The following FMN2 variants were observed in gnomAD, a reference collection of about 807,000 sequenced individuals.
The protein encoded by FMN2 is formin-2.
A neutral mutation model predicts 142.3 loss-of-function variants in FMN2; 51 were observed. That is an observed-to-expected ratio of 0.36 (90% confidence interval 0.29 to 0.45). The LOEUF is 0.45. Among genes scored for constraint, FMN2 ranks in the 20% least tolerant of loss-of-function variants. The probability of loss-of-function intolerance (pLI) is 1.00; values close to 1 mark genes in which losing one functional copy is unlikely to be tolerated. For missense variants in FMN2, 1,936 were observed against 2,122.8 expected, an observed-to-expected ratio of 0.91 and a Z score of 1.73; for synonymous variants, 882 against 869.8, an observed-to-expected ratio of 1.01 and a Z score of -0.25.
At chr1:240,253,946 G>A (rs541718363) in intron 6 of FMN2, among the ~76,000 whole-genome samples, 1 of 152,274 alleles carries the variant, frequency 6.6e-6, no homozygotes, top group East Asian at 1.9e-4. Flanking sequence ...CTGGTGATGA[G>A]GATGCTAGGT....
intron 4 of FMN2, among the ~76,000 whole-genome samples, chr1:240,204,829 G>T (rs1158483044): frequency 6.6e-6 from 1 of 152,132 alleles, no homozygotes; most frequent in East Asian, 1.9e-4. Context: ...ATCTATCATA[G>T]CACCCAAAAA....
intron 16 of FMN2, among the ~76,000 whole-genome samples, chr1:240,454,967 A>G (rs1676190377): frequency 6.6e-6 from 1 of 152,220 alleles, no homozygotes; most frequent in African/African-American, 2.4e-5. Flanking sequence ...TACAAACCCA[A>G]GTTAGCAAAG....
At chr1:240,464,215 C>T (rs1676539627) in intron 16 of FMN2, among the ~76,000 whole-genome samples, 1 of 152,098 alleles carries the variant, frequency 6.6e-6, no homozygotes, top group African/African-American at 2.4e-5. Context: ...AATGAGTGCA[C>T]AGCAGCGTTC....
At chr1:240,216,839 C>T (rs1666917891) in intron 6 of FMN2, among the ~76,000 whole-genome samples, 1 of 152,030 alleles carries the variant, frequency 6.6e-6, no homozygotes, top group African/African-American at 2.4e-5. Context: ...ATCCCAGCTA[C>T]TCAGGAGGCT....
intron 14 of FMN2, among the ~76,000 whole-genome samples, chr1:240,358,094 A>G (rs1325860954): frequency 6.6e-6 from 1 of 152,070 alleles, no homozygotes; most frequent in East Asian, 1.9e-4. Context: ...CTCTTCCACT[A>G]CTTTCAGTTG....
At chr1:240,106,974 A>G (rs918812881) in intron 1 of FMN2, among the ~76,000 whole-genome samples, 2 of 151,244 alleles carry the variant, frequency 1.3e-5, no homozygotes, top group African/African-American at 4.9e-5. Flanking sequence ...ATGAGCCACC[A>G]TGCCCGGCCT....
chr1:240,427,171 T>TTTTTTATATATATATATATA (rs1222415126), intron 15 of FMN2, among the ~76,000 whole-genome samples: 2 of 136,892 alleles, frequency 1.5e-5, no homozygotes, highest in African/African-American at 6.4e-5. Flanking sequence ...ACAACTGATT[T>TTTTTTATATATATATATATA]TATATATATA....
At chr1:240,362,820 A>C (rs1450540455) in intron 14 of FMN2, among the ~76,000 whole-genome samples, 1 of 152,228 alleles carries the variant, frequency 6.6e-6, no homozygotes, top group Admixed American at 6.5e-5. Context: ...ATGCTTTTAC[A>C]TAAAGTCCCT....
intron 15 of FMN2, among the ~76,000 whole-genome samples, chr1:240,393,739 A>C (rs572875490): frequency 6.6e-6 from 1 of 152,232 alleles, no homozygotes; most frequent in South Asian, 2.1e-4. Flanking sequence ...TTAAAAGTCT[A>C]TTTCAATGAA....
intron 2 of FMN2, among the ~76,000 whole-genome samples, chr1:240,139,483 G>C (rs559806690): frequency 6.6e-6 from 1 of 152,140 alleles, no homozygotes; most frequent in African/African-American, 2.4e-5. Flanking sequence ...GAAAGTGCCA[G>C]TAGAATGGGA....
chr1:240,338,684 T>C (rs1005397516), intron 13 of FMN2, among the ~76,000 whole-genome samples: 2 of 152,118 alleles, frequency 1.3e-5, no homozygotes, highest in African/African-American at 4.8e-5. Flanking sequence ...AGGACAGTGG[T>C]CCCCAGCTTT....
intron 8 of FMN2, among the ~76,000 whole-genome samples, chr1:240,311,045 C>A (rs969614337): frequency 2.6e-5 from 4 of 152,088 alleles, no homozygotes; most frequent in East Asian, 1.9e-4. Flanking sequence ...AAATTCAACA[C>A]CCCCTTTGTC....
intron 15 of FMN2, among the ~76,000 whole-genome samples, chr1:240,421,582 C>G (rs968633195): frequency 1.3e-5 from 2 of 151,974 alleles, no homozygotes; most frequent in Admixed American, 6.6e-5. Context: ...TGCCTTTGTT[C>G]CTTTGTCAAA....
At chr1:240,110,045 A>G (rs1342785011) in intron 1 of FMN2, among the ~76,000 whole-genome samples, 1 of 151,442 alleles carries the variant, frequency 6.6e-6, no homozygotes, top group Non-Finnish European at 1.5e-5. Context: ...TGTTCTACAC[A>G]GACTGCTTTT....
chr1:240,332,763 T>C (rs1671422934), intron 11 of FMN2, among the ~76,000 whole-genome samples: 1 of 152,208 alleles, frequency 6.6e-6, no homozygotes, highest in South Asian at 2.1e-4. Flanking sequence ...AATGTAACTA[T>C]ATTTATTCCT....
chr1:240,472,274 C>G, intron 16 of FMN2, 98 bp from the exon 17 acceptor site: 1 of 827,764 alleles, frequency 1.2e-6, no homozygotes. Flanking sequence ...TGCAGTAATT[C>G]AAATCTTTAT....
At chr1:240,143,307 T>A in intron 2 of FMN2, 1 of 1,518,636 alleles carries the variant, frequency 6.6e-7, no homozygotes, top group East Asian at 2.3e-5. Context: ...TGAGGGCCAG[T>A]GCTAAAGGTA....
At chr1:240,425,238 G>A (rs951581827) in intron 15 of FMN2, among the ~76,000 whole-genome samples, 3 of 54,890 alleles carry the variant, frequency 5.5e-5, no homozygotes, top group Non-Finnish European at 1.8e-4. Flanking sequence ...AGAGAGAGCC[G>A]TGAGACACTT....
Position 240,093,797 on chromosome 1 carries a change from C to G in FMN2, c.1615+73C>G. 3 of 1,096,618 alleles carry G rather than the reference C, an allele frequency of 2.7e-6. No individual in the cohort carries two copies. In the South Asian group the frequency reaches 1.1e-4, roughly 39 times the overall value. The allele number at this position is 1,096,618 out of a possible 1,614,324, so 67.9% of individuals were successfully genotyped here. On this transcript the variant is annotated intron_variant, in intron 1 of 17. Coordinates refer to ENST00000319653, the MANE Select transcript of FMN2 (RefSeq NM_020066.5). The stretch of plus-strand genomic sequence containing the variant: ...TCAGGGCCTTCCCCTGCCACCCGCC[C>G]TCCCTGGGCTCTGGAAGGCGGTGAC...
Sources: allele counts gnomAD v4.1 joint callset (sites outside exome capture counted in the v4.1 genomes callset), GRCh38; gene constraint gnomAD v4.1.1; transcripts MANE v1.5; gene names NCBI Gene and HGNC (gene_info 2026-07-23, HGNC 2026-07-21).